The following ELOVL7 variants were observed in gnomAD, a reference collection of about 807,000 sequenced individuals.
ELOVL7 encodes ELOVL fatty acid elongase 7.
ELOVL7 carries 27 observed loss-of-function variants against 35.7 expected under a neutral mutation model. The ratio of observed to expected loss-of-function variants is 0.76; its 90% CI spans 0.56 to 1.04. The LOEUF is 1.04. ELOVL7 is among the 50% of genes least tolerant of loss of function. The pLI, the probability that ELOVL7 is intolerant of heterozygous loss-of-function variation, is 0.00. For missense variants in ELOVL7, 327 were observed against 340.8 expected (o/e 0.96, Z 0.32); for synonymous variants, 113 against 114.6 (o/e 0.99, Z 0.09).
intron 4 of ELOVL7, among the ~76,000 whole-genome samples, chr5:60,770,712 T>A (rs1284847149): frequency 6.6e-6 from 1 of 152,198 alleles, no homozygotes; most frequent in Non-Finnish European, 1.5e-5. Context: ...CCAGAGTATT[T>A]TTTTTATTTT....
chr5:60,833,240 T>C (rs115159664), intron 1 of ELOVL7, among the ~76,000 whole-genome samples: 3,333 of 152,296 alleles, frequency 0.022, 61 homozygotes, highest in Middle Eastern at 0.051. Context: ...AACAGGACTG[T>C]GGTCTTGGCC....
chr5:60,841,341 A>T (rs7731760), intron 1 of ELOVL7, among the ~76,000 whole-genome samples: 125,148 of 152,164 alleles, frequency 0.82, 51,759 homozygotes, highest in African/African-American at 0.89. Context: ...ATACTAAAAT[A>T]CTATATGGAG....
chr5:60,758,544 G>A (rs1011375747), intron 7 of ELOVL7, among the ~76,000 whole-genome samples: 2 of 151,916 alleles, frequency 1.3e-5, no homozygotes, highest in African/African-American at 4.8e-5. Context: ...CCTTATTTAC[G>A]GCTTCCAATT....
rs1443768038 is a variant in ELOVL7 at position 60,837,317 on chromosome 5, G to GC, written c.-86+6842_-86+6843insG. ...GCAGGCGTGGTAGGGCGGGGGGGTG[G>GC]GGGGGGAGTGGGGGGTGGGGGTGGC... On this transcript the variant is annotated intron_variant, in intron 1 of 8. Coordinates refer to ENST00000508821, the MANE Select transcript of ELOVL7 (RefSeq NM_024930.3). Among the ~76,000 whole-genome samples the GC allele has an allele frequency of 4.0e-5, 5 of 125,702 alleles. 1 individual carries two copies. Among genetic ancestry groups the GC allele is most frequent in the Admixed American group, 1.6e-4 (2 of 12,888 alleles). 82.5% of individuals were successfully genotyped at this position (125,702 alleles called of 152,430 possible).
rs1744442270 is a variant in ELOVL7 at position 60,799,178 on chromosome 5, AC to A, written c.-35+1del. 1 of 152,174 alleles carries A rather than the reference AC, an allele frequency of 6.6e-6. No homozygotes were observed. The highest frequency in any genetic ancestry group is 2.4e-5 in the African/African-American group (1 of 41,458). The allele number at this position is 152,174 out of a possible 1,614,324, so 9.4% of individuals were successfully genotyped here. A position where few individuals can be genotyped will look rare whatever the true frequency, so the allele number is the denominator to read the frequency against. On this transcript the variant is annotated splice_donor_variant, in intron 2 of 8. Coordinates refer to ENST00000508821, the MANE Select transcript of ELOVL7 (RefSeq NM_024930.3). LOFTEE classifies it low-confidence loss of function (5UTR_SPLICE). The stretch of plus-strand genomic sequence containing the variant: ...ACAAATGAAAATGAAAATACAACTT[AC>A]CAAAACTTATGGGATGCCACAAAAG...
At chr5:60,815,138 G>A (rs943129509) in intron 1 of ELOVL7, among the ~76,000 whole-genome samples, 3 of 152,066 alleles carry the variant, frequency 2.0e-5, no homozygotes, top group Non-Finnish European at 2.9e-5. Context: ...TACAATAATC[G>A]GTCCACATTA....
intron 3 of ELOVL7, chr5:60,784,302 T>C (rs1380205628): frequency 2.2e-6 from 1 of 463,934 alleles, no homozygotes; most frequent in African/African-American, 1.9e-5. Context: ...TCCATCTTCT[T>C]GCAAAAAAAG....
chr5:60,759,297 T>C (rs569676800), intron 7 of ELOVL7, among the ~76,000 whole-genome samples: 1 of 152,328 alleles, frequency 6.6e-6, no homozygotes, highest in South Asian at 2.1e-4. Flanking sequence ...ATTAAGCGTA[T>C]TAACAACTTT....
chr5:60,783,470 A>G (rs1181083761), intron 3 of ELOVL7, among the ~76,000 whole-genome samples: 2 of 152,192 alleles, frequency 1.3e-5, no homozygotes, highest in African/African-American at 4.8e-5. Context: ...TAGAGAGTCC[A>G]CTTCCATGTA....
At chr5:60,818,442 A>C (rs1399431488) in intron 1 of ELOVL7, among the ~76,000 whole-genome samples, 1 of 152,178 alleles carries the variant, frequency 6.6e-6, no homozygotes, top group Non-Finnish European at 1.5e-5. Context: ...TATGTGCGCA[A>C]ATCTCTGGAA....
At position 60,754,260 on chromosome 5, in the gene ELOVL7, T is replaced by G; in HGVS notation, c.*364A>C. 5.1e-6 allele frequency: 1 copy of G among 194,252 alleles called. No individual in the cohort carries two copies. Among genetic ancestry groups the G allele is most frequent in the Non-Finnish European group, 1.1e-5 (1 of 93,278 alleles). The allele number at this position is 194,252 out of a possible 1,614,324, so 12.0% of individuals were successfully genotyped here. On this transcript the variant is annotated 3_prime_UTR_variant, in exon 9 of 9. Transcript: ENST00000508821. ...CTATTTTATCACATGGATCTCCGTC[T>G]GTGCTCAAAATACCTAATGATATTT...
intron 1 of ELOVL7, among the ~76,000 whole-genome samples, chr5:60,832,402 G>C (rs1746531821): frequency 6.6e-6 from 1 of 151,534 alleles, no homozygotes; most frequent in Non-Finnish European, 1.5e-5. Context: ...GTCTCGCTCT[G>C]TTGCCCAGGC....
In ELOVL7 at chr5:60,774,094, A is replaced by C. The variant is rs189183726; in HGVS notation, c.65-2001T>G. Among the ~76,000 whole-genome samples the C allele has an allele frequency of 3.5e-3, 533 of 152,360 alleles. 5 individuals are homozygous for C. Among genetic ancestry groups the C allele is most frequent in the African/African-American group, 0.012 (507 of 41,584 alleles). ...GTACCAATCCTACTGAAACTATTCCAAAAAATTGAGGAGGAGAGATTCCTC... is the reference window on the plus strand; with the variant it reads ...GTACCAATCCTACTGAAACTATTCCCAAAAATTGAGGAGGAGAGATTCCTC... On this transcript the variant is annotated intron_variant, in intron 3 of 8. Transcript: ENST00000508821.
chr5:60,823,127 G>T (rs1389989830), intron 1 of ELOVL7, among the ~76,000 whole-genome samples: 11 of 144,116 alleles, frequency 7.6e-5, no homozygotes, highest in African/African-American at 2.7e-4. Flanking sequence ...TTTTTACAGT[G>T]AGGGGATGAA....
At chr5:60,824,014 A>G (rs1033091623) in intron 1 of ELOVL7, among the ~76,000 whole-genome samples, 13 of 152,212 alleles carry the variant, frequency 8.5e-5, no homozygotes, top group Non-Finnish European at 1.8e-4. Flanking sequence ...ATCCCTGCAG[A>G]GGATTACTGT....
chr5:60,841,272 T>A (rs1304437022), intron 1 of ELOVL7, among the ~76,000 whole-genome samples: 1 of 152,148 alleles, frequency 6.6e-6, no homozygotes, highest in Admixed American at 6.5e-5. Context: ...GTGATCCACC[T>A]GCCTCAGCCT....
chr5:60,753,384 T>C lies in ELOVL7; in HGVS notation c.*1240A>G, dbSNP rs1741365700. The C allele has an allele frequency of 6.6e-6, 1 of 152,198 alleles. No individual in the cohort carries two copies. Among genetic ancestry groups the C allele is most frequent in the African/African-American group, 2.4e-5 (1 of 41,458 alleles). 9.4% of individuals were successfully genotyped at this position (152,198 alleles called of 1,614,324 possible). A position where few individuals can be genotyped will look rare whatever the true frequency, so the allele number is the denominator to read the frequency against. ...AAACGAATTTCAGTCCTTCATTACA[T>C]GGTTTATAGGTCTGGAAACAGAAAT... On this transcript the variant is annotated 3_prime_UTR_variant, in exon 9 of 9. Coordinates refer to ENST00000508821, the MANE Select transcript of ELOVL7 (RefSeq NM_024930.3).
chr5:60,834,195 G>A (rs1014776302), intron 1 of ELOVL7, among the ~76,000 whole-genome samples: 2 of 151,952 alleles, frequency 1.3e-5, no homozygotes, highest in Non-Finnish European at 2.9e-5. Flanking sequence ...AGGCTGGAGT[G>A]CAGTGGCATG....
chr5:60,765,478 CGTT>C (rs1354649421), intron 6 of ELOVL7, among the ~76,000 whole-genome samples: 3 of 152,266 alleles, frequency 2.0e-5, no homozygotes, highest in Middle Eastern at 3.4e-3. Context: ...TTTTTGTCGT[CGTT>C]GTTTTCCCTA....
Sources: gnomAD v4.1 joint callset for allele counts (sites outside exome capture counted in the v4.1 genomes callset) on GRCh38, gnomAD v4.1.1 for gene constraint, MANE v1.5 for transcripts, NCBI Gene and HGNC (gene_info 2026-07-23, HGNC 2026-07-21) for gene names.